The following COLEC12 variants were observed in gnomAD, a reference collection of about 807,000 sequenced individuals.
The protein encoded by COLEC12 is collectin subfamily member 12.
Under a neutral mutation model 71.1 loss-of-function variants are expected in COLEC12, and 33 were observed. The observed-to-expected ratio is 0.46, with a 90% CI of 0.35 to 0.62. The LOEUF (loss-of-function observed/expected upper bound fraction) is 0.62. Ranked by LOEUF, COLEC12 falls within the 20% of genes least tolerant of loss-of-function variation. The probability of loss-of-function intolerance (pLI) is 0.00; values close to 1 mark genes in which losing one functional copy is unlikely to be tolerated. For synonymous variants in COLEC12, 350 were observed against 353.0 expected, an observed-to-expected ratio of 0.99 and a Z score of 0.10; for missense variants, 765 against 916.1, an observed-to-expected ratio of 0.84 and a Z score of 2.13.
At position 319,943 on chromosome 18, in the gene COLEC12, G is replaced by GT; in HGVS notation, c.*101_*102insA. On this transcript the variant is annotated 3_prime_UTR_variant, in exon 10 of 10. Coordinates refer to ENST00000400256, the MANE Select transcript of COLEC12 (RefSeq NM_130386.3). ...TTTTTTTCAGTAATTGGTTTTCAGT[G>GT]CTTTTTTTTTTTCAATCTGATGAGA... 1 of 772,950 alleles carries GT rather than the reference G, an allele frequency of 1.3e-6. No homozygotes were observed. Among genetic ancestry groups the GT allele is most frequent in the Non-Finnish European group, 2.2e-6 (1 of 457,566 alleles). 47.9% of individuals were successfully genotyped at this position (772,950 alleles called of 1,614,324 possible). A position where few individuals can be genotyped will look rare whatever the true frequency, so the allele number is the denominator to read the frequency against.
chr18:367,108 G>T (rs1914871572), intron 2 of COLEC12, among the ~76,000 whole-genome samples: 1 of 152,214 alleles, frequency 6.6e-6, no homozygotes, highest in Non-Finnish European at 1.5e-5. Context: ...ATGTGATAGG[G>T]CCAAGATGAG....
At chr18:379,454 G>C (rs1915184477) in intron 2 of COLEC12, among the ~76,000 whole-genome samples, 1 of 151,988 alleles carries the variant, frequency 6.6e-6, no homozygotes, top group Non-Finnish European at 1.5e-5. Context: ...CAAGCAGAAA[G>C]GTCTGTTTAC....
chr18:372,041 C>T (rs12967313), intron 2 of COLEC12, among the ~76,000 whole-genome samples: 56,744 of 151,914 alleles, frequency 0.37, 10,944 homozygotes, highest in Admixed American at 0.43. Flanking sequence ...CTTCTGCTCT[C>T]ATTCTTCCCT....
chr18:467,193 T>C (rs114592429), intron 2 of COLEC12, among the ~76,000 whole-genome samples: 2,276 of 152,308 alleles, frequency 0.015, 83 homozygotes, highest in African/African-American at 0.053. Context: ...TGAGGTTAAC[T>C]ATTTCCAAAA....
At chr18:475,297 C>T (rs1917283495) in intron 2 of COLEC12, among the ~76,000 whole-genome samples, 1 of 152,134 alleles carries the variant, frequency 6.6e-6, no homozygotes, top group South Asian at 2.1e-4. Flanking sequence ...TCTGGAAGGA[C>T]AGCCTCTCAC....
At chr18:495,475 TG>T (rs112917141) in intron 1 of COLEC12, among the ~76,000 whole-genome samples, 20 of 152,318 alleles carry the variant, frequency 1.3e-4, no homozygotes, top group African/African-American at 4.6e-4. Context: ...GTGGCTACAG[TG>T]GGCCATCCAC....
At position 402,263 on chromosome 18, in the gene COLEC12, G is replaced by A. The variant is rs1915702391; in HGVS notation, c.59-44741C>T. On this transcript the variant is annotated intron_variant, in intron 2 of 9. Transcript: ENST00000400256. ...AGGTTTCCCGTTGGTTCCTCTATTG[G>A]CCTACAACCAGTCTGACTGGCTGAA... is the stretch of plus-strand genomic sequence containing the variant. Among the ~76,000 whole-genome samples, 7 of 152,080 alleles carry A rather than the reference G, an allele frequency of 4.6e-5. No individual in the cohort carries two copies. In the South Asian group the frequency reaches 1.5e-3, roughly 32 times the overall value.
chr18:451,704 G>A (rs188188208), intron 2 of COLEC12, among the ~76,000 whole-genome samples: 14 of 151,720 alleles, frequency 9.2e-5, no homozygotes, highest in Non-Finnish European at 1.3e-4. Context: ...TCGAGATCAC[G>A]CCACTGCACT....
intron 1 of COLEC12, among the ~76,000 whole-genome samples, chr18:484,419 C>T (rs960810098): frequency 6.6e-6 from 1 of 152,174 alleles, no homozygotes; most frequent in South Asian, 2.1e-4. Context: ...ATTAGGGATT[C>T]TTGTAACAGC....
intron 2 of COLEC12, among the ~76,000 whole-genome samples, chr18:380,848 C>T (rs1215649611): frequency 2.0e-5 from 3 of 152,064 alleles, no homozygotes; most frequent in South Asian, 2.1e-4. Context: ...TGCATGAGAA[C>T]GTAGAGTAGA....
rs560388339 is a variant in COLEC12 at position 362,005 on chromosome 18, G to A, written c.59-4483C>T. Among the ~76,000 whole-genome samples the A allele has an allele frequency of 1.3e-3, 203 of 152,310 alleles. No homozygotes were observed. Among genetic ancestry groups the A allele is most frequent in the African/African-American group, 4.5e-3 (189 of 41,562 alleles). ...CTAGAAGGTTGTGCAGAGGTCAAGCGTCATTGTGTCATTGATGGGAAAAGA... is the reference window on the plus strand; with the variant it reads ...CTAGAAGGTTGTGCAGAGGTCAAGCATCATTGTGTCATTGATGGGAAAAGA... On this transcript the variant is annotated intron_variant, in intron 2 of 9. Transcript: ENST00000400256. The surrounding 1 kb of genome is among the most constrained non-coding windows in gnomAD (Gnocchi z 4.6).
chr18:323,600 T>C (rs1285208180), intron 8 of COLEC12, among the ~76,000 whole-genome samples: 1 of 152,228 alleles, frequency 6.6e-6, no homozygotes, highest in Non-Finnish European at 1.5e-5. Context: ...TGTGTAACTC[T>C]TTTCACCTTG....
chr18:498,334 A>G (rs1917750872), intron 1 of COLEC12, among the ~76,000 whole-genome samples: 1 of 148,670 alleles, frequency 6.7e-6, no homozygotes, highest in Non-Finnish European at 1.5e-5. Flanking sequence ...AATAATTGGT[A>G]GGCAAAACTC....
chr18:488,435 T>C (rs1917559748), intron 1 of COLEC12, among the ~76,000 whole-genome samples: 1 of 151,694 alleles, frequency 6.6e-6, no homozygotes, highest in South Asian at 2.1e-4. Context: ...GAAAGAACTT[T>C]TGGAAATTAA....
At chr18:421,407 CA>C (rs1160350649) in intron 2 of COLEC12, among the ~76,000 whole-genome samples, 3 of 152,134 alleles carry the variant, frequency 2.0e-5, no homozygotes, top group Non-Finnish European at 4.4e-5. Context: ...AGCCACAGTA[CA>C]AACAAGTGAG....
At chr18:325,138 A>T (rs1252969299) in intron 8 of COLEC12, among the ~76,000 whole-genome samples, 1 of 152,238 alleles carries the variant, frequency 6.6e-6, no homozygotes, top group Non-Finnish European at 1.5e-5. Context: ...GGCTGCAGTG[A>T]GCTGTGATTG....
chr18:377,190 T>C (rs1598344160), intron 2 of COLEC12, among the ~76,000 whole-genome samples: 1 of 152,350 alleles, frequency 6.6e-6, no homozygotes, highest in East Asian at 1.9e-4. Context: ...TCTTGGCTCC[T>C]GGGACCTGGG....
At position 334,840 on chromosome 18, in the gene COLEC12, A is replaced by T; in HGVS notation, c.1718T>A (p.Met573Lys). The part of the protein sequence containing the change: ...GLPGLPGVPG[M>K]PGPKGPPGPP... Reference sequence around the variant, plus strand: ...GCCGGGGGGGCCCTTGGGGCCTGGCATGCCTGGTACCCCAGGCAAGCCTGG... The same window carrying T: ...GCCGGGGGGGCCCTTGGGGCCTGGCTTGCCTGGTACCCCAGGCAAGCCTGG... The change falls in exon 6 of 10, where the codon ATG (methionine) becomes AAG (lysine). Residue 573 changes from methionine to lysine, a missense_variant. Physicochemically the swap from Met to Lys is moderately conservative, Grantham distance 95. Transcript: ENST00000400256. The T allele has an allele frequency of 6.6e-7, 1 of 1,520,592 alleles. No individual in the cohort carries two copies. Among genetic ancestry groups the T allele is most frequent in the Non-Finnish European group, 8.7e-7 (1 of 1,143,006 alleles). The allele number at this position is 1,520,592 out of a possible 1,614,324, so 94.2% of individuals were successfully genotyped here. A position where few individuals can be genotyped will look rare whatever the true frequency, so the allele number is the denominator to read the frequency against.
chr18:480,799 GC>G lies in COLEC12; in HGVS notation c.8-43del, dbSNP rs759660651. 5.1e-6 allele frequency: 8 copies of G among 1,568,018 alleles called. No individual in the cohort carries two copies. The highest frequency in any genetic ancestry group is 7.0e-6 in the Non-Finnish European group (8 of 1,137,880). On this transcript the variant is annotated intron_variant, in intron 1 of 9. Transcript: ENST00000400256. This position sits in a 1 kb window ranked among gnomAD's most constrained non-coding sequence, Gnocchi z 4.1. ...GACACGATGTTAATCCTGGCAAGGG[GC>G]ACAGAAGCAGAGGGTGGGGCAGGAT...
Sources: allele counts gnomAD v4.1 joint callset (sites outside exome capture counted in the v4.1 genomes callset), GRCh38; gene constraint gnomAD v4.1.1; non-coding constraint Gnocchi (gnomAD v3.1); transcripts MANE v1.5; gene names NCBI Gene and HGNC (gene_info 2026-07-23, HGNC 2026-07-21).